CDIN1: variants seen among roughly 807,000 people sequenced by gnomAD.
CDIN1 encodes CDAN1-interacting nuclease 1.
A neutral mutation model predicts 45.3 loss-of-function variants in CDIN1; 33 were observed. That is an observed-to-expected ratio of 0.73 (90% CI 0.55 to 0.97). CDIN1 has a LOEUF of 0.97. CDIN1 is among the 50% of genes least tolerant of loss of function. CDIN1 has a pLI of 0.00. For synonymous variants in CDIN1, 118 were observed against 124.4 expected (o/e 0.95, Z 0.34); for missense variants, 303 against 339.4 (o/e 0.89, Z 0.84).
At chr15:36,752,610 C>G (rs1161266905) in intron 10 of CDIN1, among the ~76,000 whole-genome samples, 3 of 152,184 alleles carry the variant, frequency 2.0e-5, no homozygotes, top group Non-Finnish European at 2.9e-5. Flanking sequence ...CAGTTGTTTT[C>G]TTTCAGAACT....
intron 10 of CDIN1, among the ~76,000 whole-genome samples, chr15:36,768,885 C>G (rs1378141575): frequency 1.3e-5 from 2 of 152,066 alleles, no homozygotes; most frequent in African/African-American, 4.8e-5. Flanking sequence ...CTAGGAGGAC[C>G]TTTAAATTCA....
chr15:36,664,587 G>A (rs1244450282), intron 5 of CDIN1, among the ~76,000 whole-genome samples: 2 of 151,038 alleles, frequency 1.3e-5, no homozygotes, highest in Non-Finnish European at 3.0e-5. Context: ...TCGCTCTGTC[G>A]CCAGGCTGGA....
intron 5 of CDIN1, chr15:36,669,144 G>A (rs757423774): frequency 6.6e-6 from 1 of 152,096 alleles, no homozygotes; most frequent in Non-Finnish European, 1.5e-5. Flanking sequence ...TACATAGAAT[G>A]GAGGCTGGCC....
At chr15:36,619,425 A>T (rs1051638429) in intron 1 of CDIN1, among the ~76,000 whole-genome samples, 5 of 152,150 alleles carry the variant, frequency 3.3e-5, no homozygotes, top group African/African-American at 1.2e-4. Flanking sequence ...GAGTGATAGG[A>T]TCCCAAAATT....
At chr15:36,682,780 AAAAAAAG>A (rs1292954108) in intron 5 of CDIN1, among the ~76,000 whole-genome samples, 9 of 148,928 alleles carry the variant, frequency 6.0e-5, no homozygotes, top group South Asian at 4.2e-4. Flanking sequence ...AAAAAAAAAA[AAAAAAAG>A]AAAAAAGAAA....
At chr15:36,618,445 G>A (rs956769531) in intron 1 of CDIN1, 2 of 879,654 alleles carry the variant, frequency 2.3e-6, no homozygotes, top group Non-Finnish European at 3.9e-6. Flanking sequence ...GGTCGAAGAT[G>A]ACGACAAGAT....
chr15:36,758,517 G>A (rs924718797), intron 10 of CDIN1, among the ~76,000 whole-genome samples: 3 of 152,116 alleles, frequency 2.0e-5, no homozygotes, highest in African/African-American at 7.2e-5. Flanking sequence ...CTTGATGCAT[G>A]TACAAGTTAG....
At chr15:36,760,443 T>A (rs958087269) in intron 10 of CDIN1, among the ~76,000 whole-genome samples, 1 of 152,220 alleles carries the variant, frequency 6.6e-6, no homozygotes, top group Non-Finnish European at 1.5e-5. Context: ...TATCCAGTTG[T>A]CTAGTAACCT....
At chr15:36,728,882 C>G (rs1397048611) in intron 10 of CDIN1, among the ~76,000 whole-genome samples, 1 of 152,056 alleles carries the variant, frequency 6.6e-6, no homozygotes, top group Non-Finnish European at 1.5e-5. Context: ...CCATGTTAGC[C>G]AGGATGATCT....
intron 10 of CDIN1, among the ~76,000 whole-genome samples, chr15:36,796,128 C>G (rs1159113210): frequency 6.6e-6 from 1 of 152,056 alleles, no homozygotes; most frequent in African/African-American, 2.4e-5. Flanking sequence ...GAGATCTAGT[C>G]TACTCATGGA....
chr15:36,648,638 GC>G (rs1374551780), intron 3 of CDIN1: 1 of 151,926 alleles, frequency 6.6e-6, no homozygotes, highest in Non-Finnish European at 1.5e-5. Flanking sequence ...CACCGTGCTT[GC>G]CAGGATGGTC....
intron 5 of CDIN1, among the ~76,000 whole-genome samples, chr15:36,686,136 G>A (rs1402422864): frequency 0.016 from 2,429 of 151,636 alleles, 69 homozygotes; most frequent in African/African-American, 0.055. Context: ...CACTATTCAC[G>A]ATAGCAAAGA....
intron 10 of CDIN1, among the ~76,000 whole-genome samples, chr15:36,765,600 C>T (rs145757993): frequency 6.6e-6 from 1 of 152,132 alleles, no homozygotes; most frequent in Non-Finnish European, 1.5e-5. Context: ...AATGTAATGA[C>T]GGTTGAATTT....
At chr15:36,580,978 T>TA (rs1369401818) in intron 1 of CDIN1, among the ~76,000 whole-genome samples, 7 of 152,238 alleles carry the variant, frequency 4.6e-5, no homozygotes, top group Non-Finnish European at 8.8e-5. Flanking sequence ...TAAGTTCTGT[T>TA]ATGACTTTGC....
intron 10 of CDIN1, among the ~76,000 whole-genome samples, chr15:36,772,959 C>G (rs2054116366): frequency 6.6e-6 from 1 of 152,096 alleles, no homozygotes; most frequent in Non-Finnish European, 1.5e-5. Context: ...AACAGTAATG[C>G]TTTGTTCTCT....
At chr15:36,692,464 C>T (rs1011415371) in intron 7 of CDIN1, among the ~76,000 whole-genome samples, 4 of 152,002 alleles carry the variant, frequency 2.6e-5, no homozygotes, top group Admixed American at 6.6e-5. Flanking sequence ...AGGCAGGTAA[C>T]GTAATGTCTT....
At position 36,788,637 on chromosome 15, in the gene CDIN1, T is replaced by C. The variant is rs1377650895; in HGVS notation, c.717-19687T>C. Among the ~76,000 whole-genome samples, 3 of 152,168 alleles carry C rather than the reference T, an allele frequency of 2.0e-5. 1 individual carries two copies. The highest frequency in any genetic ancestry group is 4.4e-5 in the Non-Finnish European group (3 of 68,024). On this transcript the variant is annotated intron_variant, in intron 10 of 10. Coordinates refer to ENST00000566621, the MANE Select transcript of CDIN1 (RefSeq NM_001321759.2). ...TGAAATATCTGAATATCTCAATTAG[T>C]TTCAAAACAAAATTATTACTTAAAT...
intron 7 of CDIN1, among the ~76,000 whole-genome samples, chr15:36,696,977 C>T (rs2140750764): frequency 6.7e-6 from 1 of 149,456 alleles, no homozygotes; most frequent in Admixed American, 6.7e-5. Flanking sequence ...AAAAATTACC[C>T]AGGCGTGGTG....
chr15:36,609,690 G>A (rs1212040574), intron 1 of CDIN1, among the ~76,000 whole-genome samples: 1 of 152,202 alleles, frequency 6.6e-6, no homozygotes, highest in East Asian at 1.9e-4. Flanking sequence ...GAAGATACTG[G>A]CCTGGGGATC....
Sources: allele counts gnomAD v4.1 joint callset (sites outside exome capture counted in the v4.1 genomes callset), GRCh38; gene constraint gnomAD v4.1.1; transcripts MANE v1.5; gene names NCBI Gene and HGNC (gene_info 2026-07-23, HGNC 2026-07-21).